Variants in PRKN observed in about 807,000 individuals in gnomAD.
PRKN encodes parkin RBR E3 ubiquitin protein ligase, also known as E3 ubiquitin-protein ligase parkin.
PRKN carries 56 observed loss-of-function variants against 59.5 expected under a neutral mutation model. The ratio of observed to expected loss-of-function variants is 0.94; its 90% confidence interval spans 0.76 to 1.18. PRKN has a LOEUF of 1.18. PRKN is among the 50% of genes most tolerant of loss of function. The pLI is 0.00. For missense variants in PRKN, 657 were observed against 596.4 expected (o/e 1.10, Z -1.06); for synonymous variants, 250 against 222.1 (o/e 1.13, Z -1.12).
At position 162,146,166 on chromosome 6, in the gene PRKN, T is replaced by C. The variant is rs530246096; in HGVS notation, c.534+54965A>G. Reference sequence around the variant, plus strand: ...TATTCTCCCAACTGATTATCTCTTTTTCTATATAGCACCCACGTAGCCATC... The same window carrying C: ...TATTCTCCCAACTGATTATCTCTTTCTCTATATAGCACCCACGTAGCCATC... On this transcript the variant is annotated intron_variant, in intron 4 of 11. Transcript: ENST00000366898. 2.7e-4 allele frequency among the ~76,000 whole-genome samples: 41 copies of C among 152,240 alleles called. 1 individual carries two copies. Among genetic ancestry groups the C allele is most frequent in the Admixed American group, 2.2e-3 (33 of 15,298 alleles).
intron 9 of PRKN, among the ~76,000 whole-genome samples, chr6:161,430,538 G>A (rs1475003817): frequency 3.3e-5 from 5 of 152,188 alleles, no homozygotes; most frequent in South Asian, 2.1e-4. Flanking sequence ...TGAATGGGCC[G>A]GGCGTGGTGG....
rs529817639 is a variant in PRKN at position 161,980,234 on chromosome 6, GTATC to G, written c.619-6821_619-6818del. Among the ~76,000 whole-genome samples the G allele has an allele frequency of 7.8e-4, 119 of 152,090 alleles. 1 individual carries two copies. The highest frequency in any genetic ancestry group is 2.8e-3 in the African/African-American group (115 of 41,494). On this transcript the variant is annotated intron_variant, in intron 5 of 11. Transcript: ENST00000366898. ...AATTATGTTTTCCAAACGAAATATT[GTATC>G]TATCTTCACAAAGAGTTAAATTCCA...
intron 6 of PRKN, among the ~76,000 whole-genome samples, chr6:161,953,619 G>A (rs1448830709): frequency 1.3e-5 from 2 of 152,160 alleles, no homozygotes; most frequent in African/African-American, 4.8e-5. Context: ...CCGGATGCCA[G>A]CCCTGCAGGT....
At chr6:162,530,698 A>G (rs1171960280) in intron 1 of PRKN, among the ~76,000 whole-genome samples, 1 of 152,174 alleles carries the variant, frequency 6.6e-6, no homozygotes, top group Non-Finnish European at 1.5e-5. Flanking sequence ...CAGCATGTTT[A>G]ATGGAATATA....
chr6:162,415,368 T>C lies in PRKN; in HGVS notation c.171+27942A>G, dbSNP rs531288429. Among the ~76,000 whole-genome samples the C allele has an allele frequency of 2.6e-5, 4 of 152,272 alleles. No individual in the cohort carries two copies. In the East Asian group the frequency reaches 7.7e-4, roughly 29 times the overall value. ...CAATCAAGTATCACAGGGCAGATAA[T>C]GAATTCAATAAAGGCAGCTGAAATT... is the stretch of plus-strand genomic sequence containing the variant. On this transcript the variant is annotated intron_variant, in intron 2 of 11. Coordinates refer to ENST00000366898, the MANE Select transcript of PRKN (RefSeq NM_004562.3).
At chr6:162,081,969 T>C (rs568656713) in intron 4 of PRKN, among the ~76,000 whole-genome samples, 2 of 152,256 alleles carry the variant, frequency 1.3e-5, no homozygotes, top group South Asian at 4.1e-4. Flanking sequence ...ACCTCATGAA[T>C]CTACCTCTGC....
At chr6:162,563,175 G>A (rs1779920619) in intron 1 of PRKN, among the ~76,000 whole-genome samples, 1 of 152,076 alleles carries the variant, frequency 6.6e-6, no homozygotes, top group Non-Finnish European at 1.5e-5. Context: ...GTAGTGGTGG[G>A]CGCCTGTAGT....
chr6:161,785,613 T>C (rs1790380801), intron 7 of PRKN, among the ~76,000 whole-genome samples, 159 bp downstream of exon 7: 1 of 152,350 alleles, frequency 6.6e-6, no homozygotes. Flanking sequence ...CCAGAACTTT[T>C]ATCTTTTGCG....
intron 6 of PRKN, among the ~76,000 whole-genome samples, chr6:161,788,743 T>G (rs953639415): frequency 2.6e-4 from 39 of 152,168 alleles, no homozygotes; most frequent in Non-Finnish European, 8.8e-5. Context: ...CCGGGGAAGC[T>G]GGAATGTTGT....
intron 3 of PRKN, among the ~76,000 whole-genome samples, chr6:162,259,793 C>A (rs1222253686): frequency 6.6e-6 from 1 of 152,172 alleles, no homozygotes. Flanking sequence ...TATCACCACT[C>A]TTCTAAGAGA....
At chr6:162,323,866 T>G (rs950374453) in intron 2 of PRKN, among the ~76,000 whole-genome samples, 3 of 152,178 alleles carry the variant, frequency 2.0e-5, no homozygotes, top group African/African-American at 7.2e-5. Context: ...AGACATAAGC[T>G]GATCATATGA....
At chr6:162,396,042 G>A (rs1328109751) in intron 2 of PRKN, among the ~76,000 whole-genome samples, 1 of 152,172 alleles carries the variant, frequency 6.6e-6, no homozygotes. Flanking sequence ...ATAATTAAAT[G>A]TAGACAAAGC....
At chr6:162,481,253 C>A (rs1792297964) in intron 1 of PRKN, among the ~76,000 whole-genome samples, 1 of 152,130 alleles carries the variant, frequency 6.6e-6, no homozygotes, top group Admixed American at 6.5e-5. Flanking sequence ...TTTATAATAG[C>A]AAACAGGATA....
chr6:162,543,464 C>T (rs1475538760), intron 1 of PRKN, among the ~76,000 whole-genome samples: 1 of 151,982 alleles, frequency 6.6e-6, no homozygotes, highest in Non-Finnish European at 1.5e-5. Flanking sequence ...TTCATCTCTT[C>T]AGGAATCTCC....
chr6:162,061,960 T>C (rs531121587), intron 4 of PRKN, among the ~76,000 whole-genome samples: 14 of 152,326 alleles, frequency 9.2e-5, no homozygotes, highest in African/African-American at 3.4e-4. Context: ...ATACACACTG[T>C]TGGTGCAAAT....
chr6:162,251,838 T>C (rs1046852028), intron 3 of PRKN, among the ~76,000 whole-genome samples: 5 of 152,176 alleles, frequency 3.3e-5, no homozygotes, highest in Non-Finnish European at 2.9e-5. Flanking sequence ...AATGGATCCA[T>C]AGTGTTTCAT....
intron 3 of PRKN, among the ~76,000 whole-genome samples, chr6:162,248,109 T>C (rs756845175): frequency 6.6e-6 from 1 of 152,120 alleles, no homozygotes; most frequent in African/African-American, 2.4e-5. Flanking sequence ...TATTTCTTAA[T>C]CACCTCCCCA....
chr6:161,745,241 T>C (rs1788366826), intron 7 of PRKN, among the ~76,000 whole-genome samples: 2 of 152,180 alleles, frequency 1.3e-5, no homozygotes, highest in African/African-American at 4.8e-5. Context: ...AAGATATTAC[T>C]CTGTACATGT....
At chr6:162,263,227 G>C in intron 2 of PRKN, 1 of 214,466 alleles carries the variant, frequency 4.7e-6, no homozygotes, top group South Asian at 7.1e-5. Context: ...TTATAGGCGG[G>C]CACCACCACA....
Sources: gnomAD v4.1 joint callset for allele counts (sites outside exome capture counted in the v4.1 genomes callset) on GRCh38, gnomAD v4.1.1 for gene constraint, MANE v1.5 for transcripts, NCBI Gene and HGNC (gene_info 2026-07-23, HGNC 2026-07-21) for gene names.